The following ARHGAP12 variants were observed in gnomAD, a reference collection of about 807,000 sequenced individuals.
ARHGAP12 encodes the protein rho GTPase-activating protein 12.
ARHGAP12 carries 64 observed loss-of-function variants against 108.6 expected under a neutral mutation model. That is an observed-to-expected ratio of 0.59 (90% CI 0.48 to 0.73). The LOEUF (loss-of-function observed/expected upper bound fraction) is 0.73, where lower values mean the gene tolerates loss of function less well. Among genes scored for constraint, ARHGAP12 ranks in the 30% least tolerant of loss-of-function variants. The pLI is 0.00. For missense variants in ARHGAP12, 940 were observed against 1,005.9 expected, an observed-to-expected ratio of 0.93 and a Z score of 0.89; for synonymous variants, 312 against 337.2, an observed-to-expected ratio of 0.93 and a Z score of 0.82.
At chr10:31,843,332 ATTAG>A (rs1292929113) in intron 7 of ARHGAP12, 125 bp downstream of exon 7, 1 of 1,067,636 alleles carries the variant, frequency 9.4e-7, no homozygotes, top group African/African-American at 1.7e-5. Context: ...AAAAGCTTAA[ATTAG>A]TTCAAAAGAA....
chr10:31,818,313 G>C (rs1028894456), intron 12 of ARHGAP12, among the ~76,000 whole-genome samples: 3 of 152,082 alleles, frequency 2.0e-5, no homozygotes, highest in African/African-American at 4.8e-5. Context: ...AAATACAGAA[G>C]AAAGAATACA....
At chr10:31,850,317 A>C (rs1836624784) in intron 6 of ARHGAP12, among the ~76,000 whole-genome samples, 2 of 152,346 alleles carry the variant, frequency 1.3e-5, no homozygotes, top group African/African-American at 4.8e-5. Context: ...TGGTTCCTTC[A>C]AGTGGAAATC....
chr10:31,823,497 C>G (rs532145875), intron 11 of ARHGAP12, among the ~76,000 whole-genome samples: 1 of 151,038 alleles, frequency 6.6e-6, no homozygotes, highest in Non-Finnish European at 1.5e-5. Context: ...AAAATCAATA[C>G]GAACCATGAA....
chr10:31,806,137 G>C lies in ARHGAP12; in HGVS notation c.*1521C>G, dbSNP rs1257940457. ...AAATAAAAAGTGTACGTTGTGGGTGGAGAAATGTTGGCATGGAAGAGAGGA... is the reference window on the plus strand; with the variant it reads ...AAATAAAAAGTGTACGTTGTGGGTGCAGAAATGTTGGCATGGAAGAGAGGA... On this transcript the variant is annotated 3_prime_UTR_variant, in exon 20 of 20. Transcript: ENST00000344936. 2.6e-5 allele frequency: 4 copies of C among 152,140 alleles called. No individual in the cohort carries two copies. The highest frequency in any genetic ancestry group is 5.9e-5 in the Non-Finnish European group (4 of 68,024). 9.4% of individuals were successfully genotyped at this position (152,140 alleles called of 1,614,324 possible).
chr10:31,918,440 T>C (rs1839656461), intron 1 of ARHGAP12, among the ~76,000 whole-genome samples: 1 of 151,914 alleles, frequency 6.6e-6, no homozygotes, highest in Non-Finnish European at 1.5e-5. Context: ...CAGTGGCTCA[T>C]ATCTGTAATC....
chr10:31,814,977 G>A (rs959769153), intron 13 of ARHGAP12, among the ~76,000 whole-genome samples: 3 of 151,916 alleles, frequency 2.0e-5, no homozygotes, highest in African/African-American at 4.8e-5. Flanking sequence ...AAAATTAGCC[G>A]GGCATGGTGG....
intron 6 of ARHGAP12, among the ~76,000 whole-genome samples, chr10:31,852,192 T>C (rs868573489): frequency 2.0e-5 from 3 of 152,214 alleles, no homozygotes; most frequent in African/African-American, 7.2e-5. Flanking sequence ...CAACTTTATG[T>C]AGAAAAATCA....
chr10:31,855,603 T>C (rs528199999), intron 4 of ARHGAP12, among the ~76,000 whole-genome samples: 68 of 152,302 alleles, frequency 4.5e-4, no homozygotes, highest in Non-Finnish European at 7.6e-4. Flanking sequence ...GAAAGCCTAA[T>C]TCAAAAATCA....
intron 1 of ARHGAP12, among the ~76,000 whole-genome samples, chr10:31,920,511 G>T (rs182954924): frequency 7.0e-6 from 1 of 143,692 alleles, no homozygotes; most frequent in East Asian, 2.0e-4. Context: ...TACAAATGAT[G>T]AACTATTACC....
intron 3 of ARHGAP12, among the ~76,000 whole-genome samples, chr10:31,883,007 A>T (rs1186418443): frequency 6.7e-6 from 1 of 149,674 alleles, no homozygotes; most frequent in Non-Finnish European, 1.5e-5. Context: ...AGAAATATCT[A>T]CTCTTGGGCC....
At chr10:31,884,778 A>C (rs1377504866) in intron 3 of ARHGAP12, among the ~76,000 whole-genome samples, 1 of 152,128 alleles carries the variant, frequency 6.6e-6, no homozygotes, top group Non-Finnish European at 1.5e-5. Context: ...TAATATCACC[A>C]CTGCTTTCAT....
At chr10:31,844,619 G>A (rs960019068) in intron 6 of ARHGAP12, among the ~76,000 whole-genome samples, 11 of 151,610 alleles carry the variant, frequency 7.3e-5, no homozygotes, top group Non-Finnish European at 1.5e-4. Context: ...CTGCAACCTT[G>A]AACTTCTGGG....
intron 1 of ARHGAP12, among the ~76,000 whole-genome samples, chr10:31,928,387 G>A (rs1840153225): frequency 6.6e-6 from 1 of 151,862 alleles, no homozygotes; most frequent in Non-Finnish European, 1.5e-5. Context: ...GAAACCCAGG[G>A]GGCAGAGAAG....
chr10:31,817,721 T>G, intron 13 of ARHGAP12, 67 bp downstream of exon 13: 1 of 1,015,526 alleles, frequency 9.8e-7, no homozygotes, highest in Non-Finnish European at 1.5e-6. Context: ...GGATATCCAA[T>G]AAGCAATTAA....
intron 3 of ARHGAP12, among the ~76,000 whole-genome samples, chr10:31,864,897 G>A (rs1237572752): frequency 1.3e-5 from 2 of 152,184 alleles, no homozygotes. Flanking sequence ...CAATGCTAGA[G>A]CTACACATGG....
intron 2 of ARHGAP12, among the ~76,000 whole-genome samples, chr10:31,909,471 T>C (rs1480584838): frequency 6.6e-6 from 1 of 152,216 alleles, no homozygotes; most frequent in Non-Finnish European, 1.5e-5. Context: ...AAAAGACAGT[T>C]CAAGTCCTAA....
intron 5 of ARHGAP12, among the ~76,000 whole-genome samples, chr10:31,853,792 C>A (rs980998990): frequency 6.6e-6 from 1 of 152,048 alleles, no homozygotes; most frequent in Admixed American, 6.6e-5. Context: ...AAGAAATATG[C>A]CTACTGAAGA....
chr10:31,872,474 C>T (rs1384190671), intron 3 of ARHGAP12, among the ~76,000 whole-genome samples: 3 of 152,170 alleles, frequency 2.0e-5, no homozygotes, highest in African/African-American at 7.2e-5. Context: ...GCAGCTATCT[C>T]TCAAAGTCAT....
intron 1 of ARHGAP12, among the ~76,000 whole-genome samples, chr10:31,920,507 T>C (rs1769575354): frequency 7.4e-6 from 1 of 135,508 alleles, no homozygotes; most frequent in African/African-American, 2.8e-5. Flanking sequence ...AGCATACAAA[T>C]GATGAACTAT....
Sources: allele counts gnomAD v4.1 joint callset (sites outside exome capture counted in the v4.1 genomes callset), GRCh38; gene constraint gnomAD v4.1.1; transcripts MANE v1.5; gene names NCBI Gene and HGNC (gene_info 2026-07-23, HGNC 2026-07-21).